Variants in TRANK1 observed in about 807,000 individuals in gnomAD.
TRANK1 encodes tetratricopeptide repeat and ankyrin repeat containing 1.
In TRANK1, 198 loss-of-function variants were observed where a neutral mutation model predicts 266.0. The observed-to-expected ratio is 0.74, with a 90% CI of 0.66 to 0.84. The LOEUF (loss-of-function observed/expected upper bound fraction) is 0.84, where lower values mean the gene tolerates loss of function less well. Among genes scored for constraint, TRANK1 ranks in the 40% least tolerant of loss-of-function variants. TRANK1 has a pLI of 0.00. For synonymous variants in TRANK1, 1,396 were observed against 1,384.1 expected (o/e 1.01, Z -0.19); for missense variants, 3,326 against 3,634.6 (o/e 0.92, Z 2.18).
intron 15 of TRANK1, chr3:36,851,323 T>C (rs370920673): frequency 2.0e-6 from 2 of 995,686 alleles, no homozygotes; most frequent in Non-Finnish European, 2.4e-6. Flanking sequence ...ATCTATGAAC[T>C]GACCTTACCC....
chr3:36,856,543 G>T lies in TRANK1; in HGVS notation c.3179C>A (p.Ala1060Glu). ...TGGCCTGGGATTGAGGTCGATCACC[G>T]CGTACTCAAGCTCACCCACCCGGAA... ...YPFRVGELEY[A>E]VIDLNPRPLE... is the part of the protein sequence containing the mutation. The change falls in exon 13 of 24, where the codon GCG (alanine) becomes GAG (glutamate). Residue 1060 changes from alanine to glutamate, a missense_variant. Transcript: ENST00000645898. 1 of 1,613,962 alleles carries T rather than the reference G, an allele frequency of 6.2e-7. No individual in the cohort carries two copies. Among genetic ancestry groups the T allele is most frequent in the Non-Finnish European group, 8.5e-7 (1 of 1,179,894 alleles).
At chr3:36,890,016 G>A (rs562531915) in intron 7 of TRANK1, 56 bp from the exon 8 acceptor site, 3 of 1,523,580 alleles carry the variant, frequency 2.0e-6, no homozygotes, top group East Asian at 4.9e-5. Context: ...AGTCAGCAAA[G>A]TTAATTTGTG....
chr3:36,874,077 A>C, intron 9 of TRANK1, 49 bp downstream of exon 9: 1 of 1,489,076 alleles, frequency 6.7e-7, no homozygotes, highest in Non-Finnish European at 8.9e-7. Context: ...ATCTAATGTC[A>C]CAGAACCAGT....
intron 9 of TRANK1, among the ~76,000 whole-genome samples, chr3:36,866,455 G>A (rs1044317636): frequency 1.3e-5 from 2 of 152,222 alleles, no homozygotes; most frequent in Non-Finnish European, 2.9e-5. Flanking sequence ...ACCAGTAGGT[G>A]AGTGGGGGAA....
chr3:36,851,305 T>C, intron 15 of TRANK1: 1 of 989,518 alleles, frequency 1.0e-6, no homozygotes, highest in Non-Finnish European at 1.2e-6. Context: ...CTTCCTGGAA[T>C]TGTCTCTATC....
intron 4 of TRANK1, 75 bp downstream of exon 4, chr3:36,899,034 T>G (rs2079836100): frequency 1.4e-6 from 2 of 1,463,974 alleles, no homozygotes; most frequent in Admixed American, 4.4e-5. Flanking sequence ...TATCTCCCCA[T>G]GAGCCTGAGT....
chr3:36,860,462 C>T (rs558064309), intron 11 of TRANK1, among the ~76,000 whole-genome samples: 15 of 152,294 alleles, frequency 9.8e-5, no homozygotes, highest in Non-Finnish European at 2.1e-4. Flanking sequence ...ATTACTTGAC[C>T]GTTTCTTTAA....
chr3:36,886,174 G>A (rs1575263511), intron 8 of TRANK1, among the ~76,000 whole-genome samples: 1 of 110,276 alleles, frequency 9.1e-6, no homozygotes, highest in Non-Finnish European at 1.7e-5. Flanking sequence ...TTGCTCTGTT[G>A]CCCAGGCTGG....
At chr3:36,853,373 G>A (rs1030441664) in intron 13 of TRANK1, among the ~76,000 whole-genome samples, 2 of 152,166 alleles carry the variant, frequency 1.3e-5, no homozygotes, top group African/African-American at 4.8e-5. Context: ...GTCATGAAAT[G>A]GGCATATGTA....
intron 15 of TRANK1, 129 bp from the exon 16 acceptor site, chr3:36,847,475 T>A (rs1010441928): frequency 2.2e-6 from 2 of 922,660 alleles, no homozygotes; most frequent in Non-Finnish European, 3.2e-6. Flanking sequence ...TTGAGAAAGA[T>A]CCATCCTGTG....
chr3:36,890,183 T>C (rs17035714), intron 7 of TRANK1, among the ~76,000 whole-genome samples: 4,522 of 152,248 alleles, frequency 0.03, 222 homozygotes, highest in African/African-American at 0.1. Context: ...GGATGAGTTA[T>C]AGAAAGCTAC....
chr3:36,878,730 T>A (rs1040079257), intron 8 of TRANK1, among the ~76,000 whole-genome samples: 7 of 141,084 alleles, frequency 5.0e-5, no homozygotes, highest in Non-Finnish European at 9.2e-5. Context: ...TTTACCTATA[T>A]AATAAACCTG....
rs972604421 is a variant in TRANK1 at position 36,903,288 on chromosome 3, A to C, written c.156-13T>G. On this transcript the variant is annotated splice_polypyrimidine_tract_variant and intron_variant, in intron 2 of 23. Transcript: ENST00000645898. ...CCTCGGGGGAACCCTGTAAGAACAA[A>C]CCGGTGGTCTGTCATGGTTCTGCAA... 1 of 1,536,022 alleles carries C rather than the reference A, an allele frequency of 6.5e-7. No individual in the cohort carries two copies.
At chr3:36,874,038 A>G (rs2079349630) in intron 9 of TRANK1, 88 bp downstream of exon 9, 3 of 1,231,128 alleles carry the variant, frequency 2.4e-6, no homozygotes, top group South Asian at 1.5e-5. Flanking sequence ...GTATATATAT[A>G]TATACCAAAA....
intron 18 of TRANK1, 55 bp from the exon 19 acceptor site, chr3:36,838,771 ACAACGG>A: frequency 6.5e-7 from 1 of 1,532,416 alleles, no homozygotes; most frequent in East Asian, 2.3e-5. Flanking sequence ...AACAGACAGA[ACAACGG>A]TTAAAGCATG....
At chr3:36,839,596 T>G (rs969231391) in intron 18 of TRANK1, among the ~76,000 whole-genome samples, 1 of 152,226 alleles carries the variant, frequency 6.6e-6, no homozygotes, top group Non-Finnish European at 1.5e-5. Context: ...TTCGGTCCTT[T>G]CCCTGTCTTG....
intron 18 of TRANK1, among the ~76,000 whole-genome samples, chr3:36,841,134 C>A (rs1264320423): frequency 6.6e-6 from 1 of 152,176 alleles, no homozygotes; most frequent in Non-Finnish European, 1.5e-5. Flanking sequence ...CTCATCACTT[C>A]CCAGAACCTT....
At position 36,831,618 on chromosome 3, in the gene TRANK1, G is replaced by T. The variant is rs780887675; in HGVS notation, c.7965C>A (p.Thr2655=). 2.2e-5 allele frequency: 35 copies of T among 1,613,764 alleles called. No homozygotes were observed. In the South Asian group the frequency reaches 3.7e-4, roughly 17 times the overall value. The change falls in exon 22 of 24, where the codon ACC becomes ACA. Residue 2655 remains threonine (T), a synonymous_variant. Transcript: ENST00000645898. The surrounding 1 kb of genome is among the most constrained non-coding windows in gnomAD (Gnocchi z 5.0). ...AGAGGCCACGGACTATGGACCCTTT[G>T]GTGTGCACAGGGTCCCACCGCCAGT... The part of the protein sequence containing the change: ...DCDWRWDPVH[T]KGSIVRGLYY...
intron 1 of TRANK1, among the ~76,000 whole-genome samples, chr3:36,913,950 C>T (rs2080089805): frequency 6.6e-6 from 1 of 152,122 alleles, no homozygotes; most frequent in South Asian, 2.1e-4. Context: ...TTTACAGCCT[C>T]AATTACACCC....
Sources: gnomAD v4.1 joint callset for allele counts (sites outside exome capture counted in the v4.1 genomes callset) on GRCh38, gnomAD v4.1.1 for gene constraint, Gnocchi (gnomAD v3.1) non-coding constraint, MANE v1.5 for transcripts, NCBI Gene and HGNC (gene_info 2026-07-23, HGNC 2026-07-21) for gene names.